Variants in ROBO2 observed in about 807,000 individuals in gnomAD.
The protein encoded by ROBO2 is roundabout homolog 2.
Under a neutral mutation model 160.8 loss-of-function variants are expected in ROBO2, and 53 were observed. The observed-to-expected ratio is 0.33, with a 90% confidence interval of 0.26 to 0.41. The LOEUF is 0.41. Ranked by LOEUF, ROBO2 falls within the 10% of genes least tolerant of loss-of-function variation. The pLI is 1.00. For synonymous variants in ROBO2, 664 were observed against 611.7 expected, an observed-to-expected ratio of 1.09 and a Z score of -1.26; for missense variants, 1,577 against 1,722.4, an observed-to-expected ratio of 0.92 and a Z score of 1.49.
chr3:77,268,528 G>A (rs950573837), intron 2 of ROBO2, among the ~76,000 whole-genome samples: 15 of 152,062 alleles, frequency 9.9e-5, no homozygotes, highest in African/African-American at 3.4e-4. Flanking sequence ...CTAGAAAAAA[G>A]TCATTGCTGC....
chr3:76,567,807 A>G (rs776021144), intron 2 of ROBO2, among the ~76,000 whole-genome samples: 2 of 72,370 alleles, frequency 2.8e-5, no homozygotes, highest in African/African-American at 5.3e-5. Flanking sequence ...GTATATATAT[A>G]TTTTTTTTTT....
chr3:77,023,498 G>T (rs990291610), intron 2 of ROBO2, among the ~76,000 whole-genome samples: 1 of 152,122 alleles, frequency 6.6e-6, no homozygotes, highest in Non-Finnish European at 1.5e-5. Flanking sequence ...TAAAAGTCAA[G>T]CAGGCTCCAA....
At chr3:76,173,098 G>A (rs1491004289) in intron 2 of ROBO2, among the ~76,000 whole-genome samples, 1 of 145,494 alleles carries the variant, frequency 6.9e-6, no homozygotes, top group Non-Finnish European at 1.5e-5. Flanking sequence ...AGAGAATTAC[G>A]TGCATTTCAT....
chr3:76,451,762 C>G (rs2077486408), intron 2 of ROBO2, among the ~76,000 whole-genome samples: 1 of 152,074 alleles, frequency 6.6e-6, no homozygotes, highest in Non-Finnish European at 1.5e-5. Flanking sequence ...ATGTCGGAGA[C>G]AGAACATCAT....
intron 1 of ROBO2, among the ~76,000 whole-genome samples, chr3:77,092,563 T>A (rs2070440689): frequency 6.8e-6 from 1 of 147,292 alleles, no homozygotes; most frequent in Non-Finnish European, 1.5e-5. Context: ...ATAGTTTATA[T>A]ATTATTAATA....
At chr3:76,397,100 G>A (rs145754932) in intron 2 of ROBO2, among the ~76,000 whole-genome samples, 4,354 of 151,956 alleles carry the variant, frequency 0.029, 206 homozygotes, top group African/African-American at 0.099. Flanking sequence ...TAACCAAAAC[G>A]GCATGATACT....
chr3:76,187,723 T>A (rs2107154183), intron 2 of ROBO2, among the ~76,000 whole-genome samples: 1 of 152,320 alleles, frequency 6.6e-6, no homozygotes, highest in Non-Finnish European at 1.5e-5. Flanking sequence ...CAGACATTTC[T>A]GTTGATTCTG....
At chr3:77,285,677 ATG>A (rs2060539780) in intron 2 of ROBO2, among the ~76,000 whole-genome samples, 1 of 152,174 alleles carries the variant, frequency 6.6e-6, no homozygotes, top group South Asian at 2.1e-4. Context: ...TCTATCTTAC[ATG>A]TATCATTGCG....
intron 2 of ROBO2, among the ~76,000 whole-genome samples, chr3:76,079,644 C>T (rs371538277): frequency 2.2e-4 from 33 of 151,954 alleles, no homozygotes; most frequent in Admixed American, 1.8e-3. Flanking sequence ...CCGCCACACC[C>T]GGCTAATTTC....
rs190782377 is a variant in ROBO2 at position 76,534,058 on chromosome 3, T to C, written c.110-563956T>C. On this transcript the variant is annotated intron_variant, in intron 2 of 26. Transcript: ENST00000487694. The stretch of plus-strand genomic sequence containing the variant: ...GAGACCTAACATTCCTGTCTTTTTA[T>C]TTATAAAATATAAAGTTATAAGAAA... Among the ~76,000 whole-genome samples, 485 of 152,286 alleles carry C rather than the reference T, an allele frequency of 3.2e-3. 3 individuals carry two copies. Among genetic ancestry groups the C allele is most frequent in the Middle Eastern group, 6.8e-3 (2 of 294 alleles).
chr3:76,821,362 T>A (rs2066105137), intron 2 of ROBO2, among the ~76,000 whole-genome samples: 1 of 152,024 alleles, frequency 6.6e-6, no homozygotes, highest in African/African-American at 2.4e-5. Context: ...AGATAAGAAT[T>A]CAATTAGCAT....
At chr3:76,900,539 C>A (rs962869720) in intron 2 of ROBO2, among the ~76,000 whole-genome samples, 1 of 152,122 alleles carries the variant, frequency 6.6e-6, no homozygotes, top group African/African-American at 2.4e-5. Flanking sequence ...TTCTTTTCCC[C>A]ATAGTCCTTG....
intron 24 of ROBO2, among the ~76,000 whole-genome samples, chr3:77,638,314 A>T (rs1309411530): frequency 2.6e-5 from 4 of 152,210 alleles, no homozygotes; most frequent in Non-Finnish European, 5.9e-5. Context: ...ATTTTACAAC[A>T]GTGTTTGCTG....
chr3:76,419,452 T>TTA (rs2108908635), intron 2 of ROBO2, among the ~76,000 whole-genome samples: 1 of 152,022 alleles, frequency 6.6e-6, no homozygotes, highest in African/African-American at 2.4e-5. Flanking sequence ...TTTTTTTTTT[T>TTA]AAATTTAACC....
intron 2 of ROBO2, among the ~76,000 whole-genome samples, chr3:77,375,440 C>A (rs906248994): frequency 1.3e-5 from 2 of 152,130 alleles, no homozygotes; most frequent in African/African-American, 4.8e-5. Context: ...TAGAACTTCA[C>A]TTTTAGTGCT....
intron 2 of ROBO2, among the ~76,000 whole-genome samples, chr3:76,661,758 G>T (rs1342553066): frequency 6.6e-6 from 1 of 152,146 alleles, no homozygotes; most frequent in Non-Finnish European, 1.5e-5. Context: ...GGCTTCAGAG[G>T]CAATAGATGG....
chr3:77,417,698 C>A (rs977288031), intron 2 of ROBO2, among the ~76,000 whole-genome samples: 2 of 152,038 alleles, frequency 1.3e-5, no homozygotes, highest in African/African-American at 4.8e-5. Flanking sequence ...AACTAAAGAA[C>A]ACTATGAAAT....
At chr3:76,183,286 A>G (rs151248868) in intron 2 of ROBO2, among the ~76,000 whole-genome samples, 1,679 of 152,270 alleles carry the variant, frequency 0.011, 40 homozygotes, top group African/African-American at 0.038. Context: ...AAGGCATCTT[A>G]TCACCTGTGC....
intron 9 of ROBO2, among the ~76,000 whole-genome samples, chr3:77,560,572 C>T (rs904783326): frequency 6.6e-6 from 1 of 151,932 alleles, no homozygotes; most frequent in African/African-American, 2.4e-5. Flanking sequence ...AGGCTGTATT[C>T]CTTTGTGTCT....
Sources: gnomAD v4.1 joint callset for allele counts (sites outside exome capture counted in the v4.1 genomes callset) on GRCh38, gnomAD v4.1.1 for gene constraint, MANE v1.5 for transcripts, NCBI Gene and HGNC (gene_info 2026-07-23, HGNC 2026-07-21) for gene names.